The following LRRTM3 variants were observed in gnomAD, a reference collection of about 807,000 sequenced individuals.
LRRTM3 encodes leucine rich repeat transmembrane neuronal 3.
Under a neutral mutation model 44.7 loss-of-function variants are expected in LRRTM3, and 24 were observed. The observed-to-expected ratio is 0.54, with a 90% CI of 0.39 to 0.76. The LOEUF is 0.76. Among genes scored for constraint, LRRTM3 ranks in the 30% least tolerant of loss-of-function variants. LRRTM3 has a pLI of 0.00. For synonymous variants in LRRTM3, 277 were observed against 278.7 expected (o/e 0.99, Z 0.06); for missense variants, 587 against 702.2 (o/e 0.84, Z 1.85).
intron 2 of LRRTM3, among the ~76,000 whole-genome samples, chr10:66,936,658 G>A (rs942185288): frequency 6.6e-5 from 10 of 152,056 alleles, no homozygotes; most frequent in Admixed American, 6.6e-5. Flanking sequence ...ACTCTACAGC[G>A]CAATCTAGTC....
At chr10:66,930,800 C>T (rs557614318) in intron 2 of LRRTM3, among the ~76,000 whole-genome samples, 12 of 152,116 alleles carry the variant, frequency 7.9e-5, no homozygotes, top group African/African-American at 2.4e-4. Context: ...TACTAATAAA[C>T]ATAATAATAG....
At chr10:66,977,663 T>C (rs1850127749) in intron 2 of LRRTM3, among the ~76,000 whole-genome samples, 1 of 152,190 alleles carries the variant, frequency 6.6e-6, no homozygotes, top group Non-Finnish European at 1.5e-5. Flanking sequence ...GCCTTGTATG[T>C]TTTAAAGGTT....
chr10:67,028,223 T>A (rs1853508552), intron 2 of LRRTM3, among the ~76,000 whole-genome samples: 1 of 152,220 alleles, frequency 6.6e-6, no homozygotes, highest in Non-Finnish European at 1.5e-5. Context: ...TTCAGTTTTG[T>A]GGTTTGTCAT....
chr10:67,084,767 T>C (rs1857214633), intron 2 of LRRTM3, among the ~76,000 whole-genome samples: 1 of 151,980 alleles, frequency 6.6e-6, no homozygotes, highest in African/African-American at 2.4e-5. Flanking sequence ...TAGAGAAGGC[T>C]GTATCGCATA....
intron 2 of LRRTM3, among the ~76,000 whole-genome samples, chr10:67,031,471 A>G (rs977952729): frequency 6.6e-6 from 1 of 152,212 alleles, no homozygotes; most frequent in Non-Finnish European, 1.5e-5. Flanking sequence ...AGCTCACTTC[A>G]AAGATTTTCA....
intron 2 of LRRTM3, among the ~76,000 whole-genome samples, chr10:66,934,662 T>A (rs1847590603): frequency 6.6e-6 from 1 of 152,256 alleles, no homozygotes; most frequent in African/African-American, 2.4e-5. Context: ...AAACAAAGTA[T>A]AGGACTTTAT....
rs1221803223 is a variant in LRRTM3 at position 67,098,225 on chromosome 10, T to A, written c.*429T>A. 2.5e-5 allele frequency: 4 copies of A among 158,854 alleles called. No homozygotes were observed. The highest frequency in any genetic ancestry group is 7.2e-5 in the African/African-American group (3 of 41,454). 9.8% of individuals were successfully genotyped at this position (158,854 alleles called of 1,614,324 possible). ...TTCTAAAATTTTAAATTAACAAAAATTATTTCTTGTGTTATTCAGAGTTAC... is the reference window on the plus strand; with the variant it reads ...TTCTAAAATTTTAAATTAACAAAAAATATTTCTTGTGTTATTCAGAGTTAC... On this transcript the variant is annotated 3_prime_UTR_variant, in exon 3 of 3. Coordinates refer to ENST00000361320, the MANE Select transcript of LRRTM3 (RefSeq NM_178011.5).
chr10:67,029,704 A>T (rs2133104684), intron 2 of LRRTM3, among the ~76,000 whole-genome samples: 1 of 152,352 alleles, frequency 6.6e-6, no homozygotes, highest in African/African-American at 2.4e-5. Flanking sequence ...AGCGTAAAAC[A>T]AAAGATATTT....
intron 2 of LRRTM3, among the ~76,000 whole-genome samples, chr10:67,074,081 G>A (rs1856608337): frequency 7.6e-6 from 1 of 131,872 alleles, no homozygotes; most frequent in African/African-American, 2.9e-5. Flanking sequence ...CTGTCTCCAG[G>A]CTGGAGTGCA....
intron 2 of LRRTM3, among the ~76,000 whole-genome samples, chr10:66,996,905 G>C (rs997886757): frequency 6.6e-6 from 1 of 152,066 alleles, no homozygotes; most frequent in Non-Finnish European, 1.5e-5. Context: ...TTGACAGTCT[G>C]TAATTCAGCT....
At chr10:67,034,103 A>G (rs776192896) in intron 2 of LRRTM3, among the ~76,000 whole-genome samples, 2 of 152,128 alleles carry the variant, frequency 1.3e-5, no homozygotes, top group Non-Finnish European at 2.9e-5. Flanking sequence ...AAATAAGCTG[A>G]CACATTGTTA....
intron 2 of LRRTM3, among the ~76,000 whole-genome samples, chr10:67,000,414 G>T (rs966603886): frequency 6.6e-6 from 1 of 152,084 alleles, no homozygotes; most frequent in Non-Finnish European, 1.5e-5. Flanking sequence ...AAATGAAACC[G>T]ATCTACTTAT....
At chr10:66,966,155 C>T (rs1011884486) in intron 2 of LRRTM3, among the ~76,000 whole-genome samples, 1 of 151,852 alleles carries the variant, frequency 6.6e-6, no homozygotes, top group Non-Finnish European at 1.5e-5. Flanking sequence ...AGTGAAGCTT[C>T]TGACAGAAGA....
chr10:67,074,623 T>C (rs904828141), intron 2 of LRRTM3, among the ~76,000 whole-genome samples: 6 of 152,138 alleles, frequency 3.9e-5, no homozygotes, highest in Admixed American at 2.0e-4. Context: ...GTGCTGGGAT[T>C]ACAGGCGTGA....
At chr10:67,037,598 T>C (rs1854142107) in intron 2 of LRRTM3, among the ~76,000 whole-genome samples, 1 of 152,058 alleles carries the variant, frequency 6.6e-6, no homozygotes, top group East Asian at 1.9e-4. Flanking sequence ...AGGAGATGAA[T>C]TAGAAAGCTG....
chr10:66,969,494 A>G (rs147221994), intron 2 of LRRTM3, among the ~76,000 whole-genome samples: 203 of 152,264 alleles, frequency 1.3e-3, no homozygotes, highest in African/African-American at 4.6e-3. Flanking sequence ...CTTTAATTGT[A>G]TCTTGGATTA....
chr10:67,027,602 CT>C (rs1853473249), intron 2 of LRRTM3, among the ~76,000 whole-genome samples: 1 of 151,648 alleles, frequency 6.6e-6, no homozygotes, highest in Middle Eastern at 3.2e-3. Flanking sequence ...GCCCAGCTAA[CT>C]TTTTTGTATT....
chr10:67,083,948 G>C (rs1170837621), intron 2 of LRRTM3, among the ~76,000 whole-genome samples: 1 of 152,114 alleles, frequency 6.6e-6, no homozygotes, highest in Non-Finnish European at 1.5e-5. Flanking sequence ...CTATTAGGAA[G>C]GGAGAGGGAC....
chr10:66,944,225 A>G (rs1325353731), intron 2 of LRRTM3, among the ~76,000 whole-genome samples: 1 of 152,184 alleles, frequency 6.6e-6, no homozygotes, highest in Non-Finnish European at 1.5e-5. Flanking sequence ...AATATTCTAA[A>G]TCATTTGTTA....
Sources: allele counts gnomAD v4.1 joint callset (sites outside exome capture counted in the v4.1 genomes callset), GRCh38; gene constraint gnomAD v4.1.1; transcripts MANE v1.5; gene names NCBI Gene and HGNC (gene_info 2026-07-23, HGNC 2026-07-21).